The following CTNND2 variants were observed in gnomAD, a reference collection of about 807,000 sequenced individuals.
CTNND2 encodes the protein catenin delta-2.
In CTNND2, 22 loss-of-function variants were observed where a neutral mutation model predicts 144.4. The ratio of observed to expected loss-of-function variants is 0.15; its 90% confidence interval spans 0.11 to 0.22. The LOEUF is 0.22. Ranked by LOEUF, CTNND2 falls within the 10% of genes least tolerant of loss-of-function variation. CTNND2 has a pLI of 1.00. For missense variants in CTNND2, 1,353 were observed against 1,618.8 expected, an observed-to-expected ratio of 0.84 and a Z score of 2.82; for synonymous variants, 751 against 695.6, an observed-to-expected ratio of 1.08 and a Z score of -1.25.
intron 10 of CTNND2, among the ~76,000 whole-genome samples, chr5:11,206,755 T>C (rs919298700): frequency 9.2e-5 from 14 of 152,218 alleles, no homozygotes. Context: ...TAAGAAATTC[T>C]AGGGCCTGGA....
intron 2 of CTNND2, among the ~76,000 whole-genome samples, chr5:11,701,821 T>C (rs923413851): frequency 4.6e-5 from 7 of 152,042 alleles, no homozygotes; most frequent in African/African-American, 1.4e-4. Flanking sequence ...GCTGAGAAAA[T>C]AGTTAAGGAT....
At chr5:11,349,713 G>A (rs371706624) in intron 8 of CTNND2, among the ~76,000 whole-genome samples, 39 of 151,984 alleles carry the variant, frequency 2.6e-4, no homozygotes, top group Non-Finnish European at 4.4e-4. Context: ...TTACAAACTC[G>A]TATGCTAACT....
intron 2 of CTNND2, among the ~76,000 whole-genome samples, chr5:11,601,350 C>G (rs1185972281): frequency 6.6e-6 from 1 of 151,808 alleles, no homozygotes; most frequent in Non-Finnish European, 1.5e-5. Flanking sequence ...TCTTGCAATT[C>G]TATGGAAAAT....
At chr5:11,030,754 G>GTTTTTT (rs61312361) in intron 16 of CTNND2, among the ~76,000 whole-genome samples, 74 of 100,262 alleles carry the variant, frequency 7.4e-4, no homozygotes, top group East Asian at 1.4e-3. Flanking sequence ...TATGGTTTCT[G>GTTTTTT]TTTTTTTTTT....
chr5:11,589,144 C>A, intron 2 of CTNND2: 1 of 511,754 alleles, frequency 2.0e-6, no homozygotes, highest in Non-Finnish European at 2.5e-6. Flanking sequence ...ATTTAGACCC[C>A]CATTGGCATT....
intron 16 of CTNND2, among the ~76,000 whole-genome samples, chr5:11,067,215 T>C (rs774775435): frequency 2.0e-5 from 3 of 152,210 alleles, no homozygotes; most frequent in Non-Finnish European, 2.9e-5. Context: ...GAGGAGAGTA[T>C]AAGCAGAGAA....
Position 11,634,271 on chromosome 5 carries a change from A to G in CTNND2, c.175-69215T>C, listed in dbSNP as rs543517914. ...GCACCCAGGGAACCTGAGCAAGACC[A>G]TAGGCACACACACAGCCATGGAGAA... On this transcript the variant is annotated intron_variant, in intron 2 of 21. Transcript: ENST00000304623. 1.2e-4 allele frequency among the ~76,000 whole-genome samples: 18 copies of G among 150,610 alleles called. No homozygotes were observed. The South Asian group carries it at 3.3e-3, about 28-fold the overall frequency.
intron 1 of CTNND2, among the ~76,000 whole-genome samples, chr5:11,777,550 A>G (rs1226939701): frequency 6.6e-6 from 1 of 152,280 alleles, no homozygotes; most frequent in East Asian, 1.9e-4. Flanking sequence ...TGAGTGGTGA[A>G]GCTTGCAGAA....
intron 3 of CTNND2, among the ~76,000 whole-genome samples, chr5:11,559,671 G>A (rs754163423): frequency 2.0e-5 from 3 of 152,164 alleles, no homozygotes; most frequent in Non-Finnish European, 2.9e-5. Context: ...GCTGGAGGGT[G>A]CACAAGGGCA....
intron 8 of CTNND2, among the ~76,000 whole-genome samples, chr5:11,352,405 A>T (rs887002077): frequency 6.6e-6 from 1 of 152,200 alleles, no homozygotes; most frequent in African/African-American, 2.4e-5. Context: ...GAAAAAATTT[A>T]AAAATGCAAG....
intron 3 of CTNND2, among the ~76,000 whole-genome samples, chr5:11,544,171 A>AT (rs373953045): frequency 1.1e-4 from 17 of 149,906 alleles, no homozygotes; most frequent in Middle Eastern, 3.5e-3. Flanking sequence ...TCCAAGGCAG[A>AT]TTTTTTTTTT....
intron 2 of CTNND2, among the ~76,000 whole-genome samples, chr5:11,720,689 A>G (rs1224303753): frequency 6.6e-6 from 1 of 152,160 alleles, no homozygotes; most frequent in Non-Finnish European, 1.5e-5. Flanking sequence ...GACTAAATAT[A>G]TTGCTAATAT....
At chr5:11,341,442 G>C (rs1754266558) in intron 9 of CTNND2, among the ~76,000 whole-genome samples, 1 of 152,152 alleles carries the variant, frequency 6.6e-6, no homozygotes, top group Non-Finnish European at 1.5e-5. Flanking sequence ...ACGACCTCCG[G>C]CACTCTTCAA....
chr5:11,759,989 A>C (rs2126803073), intron 1 of CTNND2, among the ~76,000 whole-genome samples: 1 of 151,968 alleles, frequency 6.6e-6, no homozygotes, highest in Admixed American at 6.6e-5. Flanking sequence ...CATTAATTAA[A>C]AAATCATTCA....
intron 2 of CTNND2, among the ~76,000 whole-genome samples, chr5:11,725,295 C>A (rs1786948922): frequency 6.6e-6 from 1 of 152,194 alleles, no homozygotes; most frequent in Non-Finnish European, 1.5e-5. Context: ...CTTCCTGTCA[C>A]ATTTTCTCTA....
rs62337687 is a variant in CTNND2, at chr5:11,767,557, C to T, written c.38-35285G>A. Among the ~76,000 whole-genome samples the T allele has an allele frequency of 3.5e-3, 540 of 152,284 alleles. 4 individuals carry two copies. Among genetic ancestry groups the T allele is most frequent in the Middle Eastern group, 0.014 (4 of 294 alleles). ...CCCTTTGACAAGCAAGTTAGATGAA[C>T]GCCCATTTTTTATCTTAGGGTCTTT... is the stretch of plus-strand genomic sequence containing the variant. On this transcript the variant is annotated intron_variant, in intron 1 of 21. Coordinates refer to ENST00000304623, the MANE Select transcript of CTNND2 (RefSeq NM_001332.4).
intron 9 of CTNND2, 113 bp downstream of exon 9, chr5:11,346,259 G>T: frequency 9.2e-7 from 1 of 1,090,090 alleles, no homozygotes; most frequent in Non-Finnish European, 1.2e-6. Flanking sequence ...CCCAAGAAAA[G>T]CCAACCCTTT....
Position 11,105,676 on chromosome 5 carries a change from T to C in CTNND2, c.2463+5182A>G, listed in dbSNP as rs77882694. On this transcript the variant is annotated intron_variant, in intron 14 of 21. Coordinates refer to ENST00000304623, the MANE Select transcript of CTNND2 (RefSeq NM_001332.4). Reference sequence around the variant, plus strand: ...CTAAAATAGCAGCACTTTTAGGTGATGGGCTATATCTTCCACTAGAGGTGA... The same window carrying C: ...CTAAAATAGCAGCACTTTTAGGTGACGGGCTATATCTTCCACTAGAGGTGA... Among the ~76,000 whole-genome samples the C allele has an allele frequency of 3.3e-3, 500 of 152,338 alleles. 3 individuals carry two copies. Among genetic ancestry groups the C allele is most frequent in the African/African-American group, 0.012 (481 of 41,576 alleles).
chr5:11,855,503 C>T (rs1433198836), intron 1 of CTNND2, among the ~76,000 whole-genome samples: 1 of 152,036 alleles, frequency 6.6e-6, no homozygotes, highest in East Asian at 1.9e-4. Flanking sequence ...ATTTTTCCTT[C>T]CAATTAAATA....
Sources: gnomAD v4.1 joint callset for allele counts (sites outside exome capture counted in the v4.1 genomes callset) on GRCh38, gnomAD v4.1.1 for gene constraint, MANE v1.5 for transcripts, NCBI Gene and HGNC (gene_info 2026-07-23, HGNC 2026-07-21) for gene names.